Variants in PIM2 observed in about 807,000 individuals in gnomAD.
PIM2 encodes the protein serine/threonine-protein kinase pim-2.
PIM2 carries 3 observed loss-of-function variants against 18.0 expected under a neutral mutation model. That is an observed-to-expected ratio of 0.17 (90% CI 0.08 to 0.43). The LOEUF is 0.43. Among genes scored for constraint, PIM2 ranks in the 20% least tolerant of loss-of-function variants. The probability of loss-of-function intolerance (pLI) is 0.99; values close to 1 mark genes in which losing one functional copy is unlikely to be tolerated. For missense variants in PIM2, 181 were observed against 260.8 expected (o/e 0.69, Z 2.11); for synonymous variants, 117 against 105.3 (o/e 1.11, Z -0.68).
Position 48,918,917 on chromosome X carries a change from C to G in PIM2, c.-83G>C. The G allele has an allele frequency of 1.2e-6, 1 of 859,924 alleles. No individual in the cohort carries two copies. Among genetic ancestry groups the G allele is most frequent in the Non-Finnish European group, 1.6e-6 (1 of 610,271 alleles). The allele number at this position is 859,924 out of a possible 1,213,427, so 70.9% of individuals were successfully genotyped here. On this transcript the variant is annotated 5_prime_UTR_variant, in exon 1 of 6. Transcript: ENST00000376509. ...CGCCCGGGGCAGCGCAGCTGGGGAG[C>G]CAGGGCTGGGGGGCGCCAGGGTGGA...
intron 2 of PIM2, 73 bp downstream of exon 2, chrX:48,918,463 C>T: frequency 1.4e-6 from 1 of 723,318 alleles, no homozygotes; most frequent in Non-Finnish European, 2.1e-6. Flanking sequence ...CCTCGGTCAA[C>T]CAGCATTCCA....
In PIM2 at chrX:48,918,794, CCGGGGGGCG is replaced by C. The variant is rs1557045586; in HGVS notation, c.32_40del (p.Ala11_Pro13del). 3 of 1,194,766 alleles carry C rather than the reference CCGGGGGGCG, an allele frequency of 2.5e-6. No homozygotes were observed. In the South Asian group the frequency reaches 5.4e-5, roughly 22 times the overall value. Reference sequence around the variant, plus strand: ...CTCACCTGGCGGCGGCGTGGGGGTCCCGGGGGGCGCGGGAGGCCCCTGTAGAGGCTTGGT... The same window carrying C: ...CTCACCTGGCGGCGGCGTGGGGGTCCCGGGAGGCCCCTGTAGAGGCTTGGT... On this transcript the variant is annotated inframe_deletion, in exon 1 of 6. Coordinates refer to ENST00000376509, the MANE Select transcript of PIM2 (RefSeq NM_006875.4).
intron 3 of PIM2, among the ~76,000 whole-genome samples, chrX:48,917,444 T>C (rs1381147325): frequency 8.8e-6 from 1 of 113,102 alleles, no homozygotes; most frequent in Non-Finnish European, 1.9e-5. Context: ...AGACCCGCCC[T>C]GATGTCCGTT....
intron 3 of PIM2, 68 bp from the exon 4 acceptor site, chrX:48,915,460 G>A: frequency 1.9e-6 from 2 of 1,036,794 alleles, no homozygotes; most frequent in South Asian, 2.3e-5. Flanking sequence ...CAGCTCTGAG[G>A]CTTTTTACCT....
rs1569512225 is a variant in PIM2 at position 48,914,504 on chromosome X, G to C, written c.663C>G (p.Val221=). 4 of 1,207,255 alleles carry C rather than the reference G, an allele frequency of 3.3e-6. 1 individual carries two copies. The highest frequency in any genetic ancestry group is 4.5e-6 in the Non-Finnish European group (4 of 894,189). The part of the protein sequence containing the change: ...RHQYHALPAT[V]WSLGILLYDM... ...CATAGAGGAGGATGCCCAGTGACCAGACAGTGGCCGGGAGTGCATGGTACT... is the reference window on the plus strand; with the variant it reads ...CATAGAGGAGGATGCCCAGTGACCACACAGTGGCCGGGAGTGCATGGTACT... The change falls in exon 5 of 6, where the codon GTC becomes GTG. Residue 221 remains valine (V), a synonymous_variant. Coordinates refer to ENST00000376509, the MANE Select transcript of PIM2 (RefSeq NM_006875.4).
At position 48,918,581 on chromosome X, in the gene PIM2, G is replaced by A. The variant is rs1357847856; in HGVS notation, c.126C>T (p.Gly42=). ...YRLGPLLGKG[G]FGTVFAGHRL... is the part of the protein sequence containing the mutation. The stretch of plus-strand genomic sequence containing the variant: ...GGTGTCCTGCGAAGACGGTGCCAAA[G>A]CCCCCCTTACCCAGGAGGGGGCCGA... The change falls in exon 2 of 6, where the codon GGC becomes GGT. Residue 42 remains glycine (G), a synonymous_variant. Coordinates refer to ENST00000376509, the MANE Select transcript of PIM2 (RefSeq NM_006875.4). The A allele has an allele frequency of 1.7e-6, 2 of 1,206,747 alleles. No homozygotes were observed. The highest frequency in any genetic ancestry group is 2.2e-6 in the Non-Finnish European group (2 of 892,470).
chrX:48,914,338 G>C (rs1557044966), intron 5 of PIM2, 44 bp from the exon 6 acceptor site: 1 of 1,208,371 alleles, frequency 8.3e-7, no homozygotes, highest in African/African-American at 1.8e-5. Context: ...AGTCAGTAGG[G>C]GGTACTGGTC....
intron 3 of PIM2, among the ~76,000 whole-genome samples, chrX:48,916,462 A>G (rs2063562990): frequency 8.9e-6 from 1 of 112,809 alleles, no homozygotes; most frequent in African/African-American, 3.2e-5. Context: ...CTGTAATCCC[A>G]GCACTTTGGG....
At chrX:48,914,635 T>C in intron 4 of PIM2, 64 bp from the exon 5 acceptor site, 1 of 1,005,669 alleles carries the variant, frequency 9.9e-7, no homozygotes, top group East Asian at 3.2e-5. Context: ...CCCCAAACTC[T>C]CCAGGAAGGA....
Position 48,914,090 on chromosome X carries a change from G to T in PIM2, c.*41C>A. The T allele has an allele frequency of 2.3e-6, 2 of 851,594 alleles. No individual in the cohort carries two copies. Among genetic ancestry groups the T allele is most frequent in the Non-Finnish European group, 3.3e-6 (2 of 612,857 alleles). The allele number at this position is 851,594 out of a possible 1,213,427, so 70.2% of individuals were successfully genotyped here. Reference sequence around the variant, plus strand: ...ATCCCTGTGACATGGCCATGGGATGGCTCTTCTGACCATTGGGGGCCAGGC... The same window carrying T: ...ATCCCTGTGACATGGCCATGGGATGTCTCTTCTGACCATTGGGGGCCAGGC... On this transcript the variant is annotated 3_prime_UTR_variant, in exon 6 of 6. Transcript: ENST00000376509.
Position 48,914,519 on chromosome X carries a change from T to G in PIM2, c.648A>C (p.Ala216=), listed in dbSNP as rs782052144. 14 of 1,207,618 alleles carry G rather than the reference T, an allele frequency of 1.2e-5. No homozygotes were observed. Among genetic ancestry groups the G allele is most frequent in the Non-Finnish European group, 1.6e-5 (14 of 894,119 alleles). Residue 216 remains alanine, a synonymous_variant, in exon 5 of 6, where the codon GCA becomes GCC. Coordinates refer to ENST00000376509, the MANE Select transcript of PIM2 (RefSeq NM_006875.4). ...PEWISRHQYH[A]LPATVWSLGI... ...CCAGTGACCAGACAGTGGCCGGGAG[T>G]GCATGGTACTGGTGTCGAGAGATCC...
intron 3 of PIM2, among the ~76,000 whole-genome samples, chrX:48,917,461 A>G (rs1454075954): frequency 8.8e-6 from 1 of 113,372 alleles, no homozygotes; most frequent in African/African-American, 3.2e-5. Flanking sequence ...CGTTAGCGTT[A>G]TAACGGCAAG....
chrX:48,916,540 C>T lies in PIM2; in HGVS notation c.223-1148G>A, dbSNP rs782805085. ...CAGCCTGACCAACATGGAGAAACCC[C>T]GTCTCTACTAAAAATACAAAATTAG... On this transcript the variant is annotated intron_variant, in intron 3 of 5. Transcript: ENST00000376509. Among the ~76,000 whole-genome samples the T allele has an allele frequency of 9.2e-4, 100 of 108,813 alleles. 2 individuals carry two copies. The highest frequency in any genetic ancestry group is 3.2e-3 in the African/African-American group (95 of 29,723). The allele number at this position is 108,813 out of a possible 115,157, so 94.5% of individuals were successfully genotyped here. A position where few individuals can be genotyped will look rare whatever the true frequency, so the allele number is the denominator to read the frequency against.
chrX:48,914,948 C>T (rs1231735473), intron 4 of PIM2, 72 bp downstream of exon 4: 1 of 988,605 alleles, frequency 1.0e-6, no homozygotes, highest in African/African-American at 1.9e-5. Context: ...GGACACCCCA[C>T]CACTGGAGGC....
chrX:48,915,060 A>G lies in PIM2; in HGVS notation c.555T>C (p.Ser185=). The part of the protein sequence containing the change: ...RGCAKLIDFG[S]GALLHDEPYT... ...AGGGTTCATCATGAAGCAGGGCACC[A>G]GAACCAAAATCAATGAGTTTGGCAC... The change falls in exon 4 of 6, where the codon TCT becomes TCC. Residue 185 remains serine, a synonymous_variant. Coordinates refer to ENST00000376509, the MANE Select transcript of PIM2 (RefSeq NM_006875.4). 2 of 1,209,614 alleles carry G rather than the reference A, an allele frequency of 1.7e-6. No homozygotes were observed. Among genetic ancestry groups the G allele is most frequent in the Non-Finnish European group, 2.2e-6 (2 of 893,524 alleles).
intron 4 of PIM2, 43 bp from the exon 5 acceptor site, chrX:48,914,614 C>A: frequency 1.8e-6 from 2 of 1,119,350 alleles, no homozygotes; most frequent in Non-Finnish European, 2.4e-6. Flanking sequence ...TCTCATGATG[C>A]CCTTCTCCAA....
In PIM2 at chrX:48,918,530, G is replaced by C; in HGVS notation, c.171+6C>G. On this transcript the variant is annotated splice_donor_region_variant and intron_variant, in intron 2 of 5. Coordinates refer to ENST00000376509, the MANE Select transcript of PIM2 (RefSeq NM_006875.4). ...CTGACCCTCCCAAGACCCTCATGACGGATACCTGGAGTCGATCTGTGAGGC... is the reference window on the plus strand; with the variant it reads ...CTGACCCTCCCAAGACCCTCATGACCGATACCTGGAGTCGATCTGTGAGGC... 8.5e-7 allele frequency: 1 copy of C among 1,181,992 alleles called. No individual in the cohort carries two copies. Among genetic ancestry groups the C allele is most frequent in the Non-Finnish European group, 1.1e-6 (1 of 870,811 alleles).
In PIM2 at chrX:48,918,814, C is replaced by T. The variant is rs781824497; in HGVS notation, c.21G>A (p.Gln7=). ...GGGTCCCGGGGGGCGCGGGAGGCCCCTGTAGAGGCTTGGTCAACATGGAGG... is the reference window on the plus strand; with the variant it reads ...GGGTCCCGGGGGGCGCGGGAGGCCCTTGTAGAGGCTTGGTCAACATGGAGG... MLTKPL[Q]GPPAPPGTPT... The change falls in exon 1 of 6, where the codon CAG becomes CAA. Residue 7 remains glutamine (Q), a synonymous_variant. Coordinates refer to ENST00000376509, the MANE Select transcript of PIM2 (RefSeq NM_006875.4). 6 of 1,194,242 alleles carry T rather than the reference C, an allele frequency of 5.0e-6. No individual in the cohort carries two copies. The highest frequency in any genetic ancestry group is 4.9e-5 in the Admixed American group (2 of 40,847).
rs1557045284 is a variant in PIM2, at chrX:48,916,816, C to T, written c.222+965G>A. Among the ~76,000 whole-genome samples the T allele has an allele frequency of 3.7e-5, 4 of 108,090 alleles. No homozygotes were observed. The South Asian group carries it at 1.2e-3, about 33-fold the overall frequency. 93.9% of individuals were successfully genotyped at this position (108,090 alleles called of 115,157 possible). Reference sequence around the variant, plus strand: ...TGAGCTGAGATCACGCCACTGCACTCCAGCCCAGGCAGCAGAGCGAAACTC... The same window carrying T: ...TGAGCTGAGATCACGCCACTGCACTTCAGCCCAGGCAGCAGAGCGAAACTC... On this transcript the variant is annotated intron_variant, in intron 3 of 5. Transcript: ENST00000376509.
Sources: allele counts gnomAD v4.1 joint callset (sites outside exome capture counted in the v4.1 genomes callset), GRCh38; gene constraint gnomAD v4.1.1; transcripts MANE v1.5; gene names NCBI Gene and HGNC (gene_info 2026-07-23, HGNC 2026-07-21).